ATP8B1: variants seen among roughly 807,000 people sequenced by gnomAD.
ATP8B1 encodes phospholipid-transporting ATPase IC.
ATP8B1 carries 80 observed loss-of-function variants against 149.9 expected under a neutral mutation model. The observed-to-expected ratio is 0.53, with a 90% CI of 0.45 to 0.64. The LOEUF (loss-of-function observed/expected upper bound fraction) is 0.64. Among genes scored for constraint, ATP8B1 ranks in the 30% least tolerant of loss-of-function variants. ATP8B1 has a pLI of 0.00. For synonymous variants in ATP8B1, 536 were observed against 562.8 expected (o/e 0.95, Z 0.67); for missense variants, 1,247 against 1,552.6 (o/e 0.80, Z 3.31).
Position 57,759,155 on chromosome 18 carries a change from CAAAAAAAAAAA to C in ATP8B1, c.-25-27334_-25-27324del, listed in dbSNP as rs566728161. ...TGGGCGACAGAACGAGATTCCATCTCAAAAAAAAAAAAAAAAAAAAAAAAAAAGAAATCCAT... is the reference window on the plus strand; with the variant it reads ...TGGGCGACAGAACGAGATTCCATCTCAAAAAAAAAAAAAAAAGAAATCCAT... On this transcript the variant is annotated intron_variant, in intron 1 of 27. Coordinates refer to ENST00000648908, the MANE Select transcript of ATP8B1 (RefSeq NM_001374385.1). Among the ~76,000 whole-genome samples the C allele has an allele frequency of 2.7e-3, 282 of 106,306 alleles. 2 individuals are homozygous for C. The highest frequency in any genetic ancestry group is 9.0e-3 in the African/African-American group (242 of 26,888). The allele number at this position is 106,306 out of a possible 152,430, so 69.7% of individuals were successfully genotyped here. A position where few individuals can be genotyped will look rare whatever the true frequency, so the allele number is the denominator to read the frequency against.
chr18:57,647,818 A>G lies in ATP8B1; in HGVS notation c.*670T>C, dbSNP rs1184807683. On this transcript the variant is annotated 3_prime_UTR_variant, in exon 28 of 28. Coordinates refer to ENST00000648908, the MANE Select transcript of ATP8B1 (RefSeq NM_001374385.1). ...GAGTGCAGTGCCACGATCTCGGCTC[A>G]CTGGAACCTCCACCTCCCAGGTTCA... The G allele has an allele frequency of 1.9e-5, 3 of 157,274 alleles. No individual in the cohort carries two copies. The highest frequency in any genetic ancestry group is 4.8e-5 in the African/African-American group (2 of 41,430). 9.7% of individuals were successfully genotyped at this position (157,274 alleles called of 1,614,324 possible).
At chr18:57,650,970 TA>T (rs1471620105) in intron 26 of ATP8B1, among the ~76,000 whole-genome samples, 1 of 152,208 alleles carries the variant, frequency 6.6e-6, no homozygotes, top group African/African-American at 2.4e-5. Context: ...ACAGACATTT[TA>T]AAATCAGACT....
chr18:57,702,679 G>GA (rs1913186069), intron 4 of ATP8B1, among the ~76,000 whole-genome samples: 5 of 152,116 alleles, frequency 3.3e-5, no homozygotes, highest in Admixed American at 3.3e-4. Context: ...CCAACATAGA[G>GA]AAACGCCGTC....
At position 57,724,339 on chromosome 18, in the gene ATP8B1, G is replaced by A. The variant is rs1289172009; in HGVS notation, c.181+7288C>T. Among the ~76,000 whole-genome samples, 5 of 144,974 alleles carry A rather than the reference G, an allele frequency of 3.4e-5. No homozygotes were observed. In the South Asian group the frequency reaches 6.8e-4, roughly 20 times the overall value. On this transcript the variant is annotated intron_variant, in intron 2 of 27. Coordinates refer to ENST00000648908, the MANE Select transcript of ATP8B1 (RefSeq NM_001374385.1). ...ACCTACAAAATGGGAGAAAATTTTC[G>A]CAACCTACTCATCTGACAAAGGGCT...
At chr18:57,719,738 C>T (rs1292797819) in intron 2 of ATP8B1, among the ~76,000 whole-genome samples, 1 of 152,210 alleles carries the variant, frequency 6.6e-6, no homozygotes, top group South Asian at 2.1e-4. Flanking sequence ...CCGGGAAGCT[C>T]GAACTGGGTG....
intron 2 of ATP8B1, among the ~76,000 whole-genome samples, chr18:57,715,321 G>A (rs1198116543): frequency 6.6e-6 from 1 of 151,894 alleles, no homozygotes; most frequent in Non-Finnish European, 1.5e-5. Flanking sequence ...ATGGTCAGAG[G>A]AGACAGAAGA....
chr18:57,744,307 C>CAAA (rs10680324), intron 1 of ATP8B1, among the ~76,000 whole-genome samples: 22,788 of 97,328 alleles, frequency 0.23, 3,438 homozygotes, highest in Non-Finnish European at 0.32. Flanking sequence ...GAGACTGTCT[C>CAAA]AAAAAAAAAA....
At chr18:57,751,593 G>A (rs1393514846) in intron 1 of ATP8B1, among the ~76,000 whole-genome samples, 1 of 152,140 alleles carries the variant, frequency 6.6e-6, no homozygotes, top group Admixed American at 6.6e-5. Context: ...AAGGCTTCCA[G>A]ATTATCTTCA....
At chr18:57,726,747 A>G (rs2079712609) in intron 2 of ATP8B1, among the ~76,000 whole-genome samples, 1 of 152,224 alleles carries the variant, frequency 6.6e-6, no homozygotes, top group Non-Finnish European at 1.5e-5. Flanking sequence ...ACTTGAAAGC[A>G]AATTCTCTAA....
At chr18:57,772,925 G>T (rs1301677969) in intron 1 of ATP8B1, among the ~76,000 whole-genome samples, 2 of 152,132 alleles carry the variant, frequency 1.3e-5, no homozygotes, top group Admixed American at 6.6e-5. Flanking sequence ...TCAACAACAT[G>T]AACTGTTTTA....
intron 1 of ATP8B1, among the ~76,000 whole-genome samples, chr18:57,747,132 G>C (rs576505102): frequency 6.6e-6 from 1 of 152,100 alleles, no homozygotes; most frequent in Non-Finnish European, 1.5e-5. Context: ...CCTTGGAGAG[G>C]GGCCAGAGAC....
intron 3 of ATP8B1, 115 bp downstream of exon 3, chr18:57,706,375 T>A (rs1913393829): frequency 3.8e-6 from 3 of 781,792 alleles, no homozygotes; most frequent in East Asian, 5.3e-5. Context: ...TGATTATCAG[T>A]AGCCCCAGGC....
At chr18:57,651,867 C>G (rs1234539691) in intron 26 of ATP8B1, among the ~76,000 whole-genome samples, 167 bp downstream of exon 26, 1 of 152,112 alleles carries the variant, frequency 6.6e-6, no homozygotes, top group Non-Finnish European at 1.5e-5. Context: ...CTGCTGGGCT[C>G]AAGCAATCCA....
intron 1 of ATP8B1, among the ~76,000 whole-genome samples, chr18:57,752,221 A>ATAATAC (rs1346228411): frequency 7.3e-6 from 1 of 136,722 alleles, no homozygotes; most frequent in Non-Finnish European, 1.6e-5. Context: ...AATAATAATA[A>ATAATAC]TAATGATAAT....
Position 57,668,435 on chromosome 18 carries a change from T to G in ATP8B1, c.2203A>C (p.Lys735Gln). The stretch of plus-strand genomic sequence containing the variant: ...TCCCTGCACAATGAATTACCCTTTT[T>G]GTCTCCAGTAAGCACCCAGATCTTA... The part of the protein sequence containing the change: ...DIKIWVLTGD[K>Q]KETAENIGFA... Residue 735 changes from lysine to glutamine, a missense_variant, in exon 19 of 28, where the codon AAA (lysine) becomes CAA (glutamine). Around this residue, in one of 3 missense-constraint regions of ATP8B1, gnomAD observed 853 missense variants for 1,035.7 expected, o/e 0.82. Coordinates refer to ENST00000648908, the MANE Select transcript of ATP8B1 (RefSeq NM_001374385.1). The G allele has an allele frequency of 6.2e-7, 1 of 1,603,086 alleles. No individual in the cohort carries two copies. Among genetic ancestry groups the G allele is most frequent in the South Asian group, 1.1e-5 (1 of 90,840 alleles).
chr18:57,710,652 A>AGG (rs1464685598), intron 2 of ATP8B1, among the ~76,000 whole-genome samples: 3 of 152,182 alleles, frequency 2.0e-5, no homozygotes, highest in Non-Finnish European at 2.9e-5. Flanking sequence ...GTTCATACAA[A>AGG]GGGAAATTCA....
intron 25 of ATP8B1, 105 bp from the exon 26 acceptor site, chr18:57,652,277 T>G (rs1175886169): frequency 2.6e-6 from 4 of 1,510,746 alleles, no homozygotes; most frequent in Non-Finnish European, 3.6e-6. Context: ...AGGCATGATG[T>G]GGCTTGAATA....
chr18:57,680,623 AAAC>A, intron 15 of ATP8B1, among the ~76,000 whole-genome samples: 1 of 151,676 alleles, frequency 6.6e-6, no homozygotes, highest in African/African-American at 2.4e-5. Context: ...AACAAAAAAA[AAAC>A]CACACACGCT....
At chr18:57,658,034 C>T (rs967906026) in intron 22 of ATP8B1, among the ~76,000 whole-genome samples, 3 of 151,570 alleles carry the variant, frequency 2.0e-5, no homozygotes, top group African/African-American at 7.3e-5. Context: ...TTCCTCGCTA[C>T]AGCAATAATC....
Sources: allele counts gnomAD v4.1 joint callset (sites outside exome capture counted in the v4.1 genomes callset), GRCh38; gene constraint gnomAD v4.1.1; regional missense constraint gnomAD v4.1.1; transcripts MANE v1.5; gene names NCBI Gene and HGNC (gene_info 2026-07-23, HGNC 2026-07-21).